ASS1: variants seen among roughly 807,000 people sequenced by gnomAD.
The protein encoded by ASS1 is argininosuccinate synthase.
ASS1 carries 58 observed loss-of-function variants against 60.5 expected under a neutral mutation model. That is an observed-to-expected ratio of 0.96 (90% CI 0.78 to 1.19). The LOEUF is 1.19. Among genes scored for constraint, ASS1 ranks in the 50% most tolerant of loss-of-function variants. The pLI is 0.00. For missense variants in ASS1, 454 were observed against 547.3 expected (o/e 0.83, Z 1.70); for synonymous variants, 200 against 206.9 (o/e 0.97, Z 0.29).
At chr9:130,482,813 C>T (rs984921958) in intron 11 of ASS1, among the ~76,000 whole-genome samples, 8 of 152,320 alleles carry the variant, frequency 5.3e-5, no homozygotes, top group African/African-American at 1.9e-4. Flanking sequence ...CTTCCTGGAG[C>T]CCAGCCTTCA....
At chr9:130,487,214 C>T (rs970388235) in intron 11 of ASS1, among the ~76,000 whole-genome samples, 5 of 152,152 alleles carry the variant, frequency 3.3e-5, no homozygotes, top group East Asian at 3.9e-4. Context: ...AGCTAACAGT[C>T]GGGAGAACAC....
chr9:130,493,590 C>A (rs1275368552), intron 12 of ASS1, among the ~76,000 whole-genome samples: 1 of 152,188 alleles, frequency 6.6e-6, no homozygotes, highest in African/African-American at 2.4e-5. Context: ...CCCCCAGGGG[C>A]CTGGGCCTCC....
intron 4 of ASS1, among the ~76,000 whole-genome samples, chr9:130,463,007 G>T (rs1188198564): frequency 6.6e-6 from 1 of 152,226 alleles, no homozygotes; most frequent in Non-Finnish European, 1.5e-5. Context: ...CATAGTAGGT[G>T]CTCACTAAAG....
At chr9:130,468,120 T>C (rs1420898949) in intron 6 of ASS1, among the ~76,000 whole-genome samples, 3 of 152,250 alleles carry the variant, frequency 2.0e-5, no homozygotes, top group African/African-American at 7.2e-5. Context: ...CTGAGCACGT[T>C]CTAGAAGGAG....
At chr9:130,455,044 T>TCATCCATCATC (rs1416063728) in intron 3 of ASS1, among the ~76,000 whole-genome samples, 54 of 133,390 alleles carry the variant, frequency 4.0e-4, no homozygotes, top group African/African-American at 1.4e-3. Context: ...ATCCATCCAT[T>TCATCCATCATC]CATCCATCAT....
rs1164274054 is a variant in ASS1, at chr9:130,449,805, C to A, written c.-5-2419C>A. Among the ~76,000 whole-genome samples, 55 of 152,056 alleles carry A rather than the reference C, an allele frequency of 3.6e-4. 1 individual carries two copies. Among genetic ancestry groups the A allele is most frequent in the Non-Finnish European group, 1.5e-5 (1 of 67,996 alleles). On this transcript the variant is annotated intron_variant, in intron 1 of 14. Coordinates refer to ENST00000352480, the MANE Select transcript of ASS1 (RefSeq NM_054012.4). ...TTGATTGTGGTGTTGATGTCACGGG[C>A]GCATCCGCACGCCGAAACTTGCTAA...
At chr9:130,495,838 G>A (rs1271564833) in intron 13 of ASS1, among the ~76,000 whole-genome samples, 1 of 152,124 alleles carries the variant, frequency 6.6e-6, no homozygotes, top group Non-Finnish European at 1.5e-5. Context: ...GGATGTGGAG[G>A]GAGATGGAGG....
At chr9:130,458,300 G>T in intron 3 of ASS1, 101 bp from the exon 4 acceptor site, 2 of 1,339,970 alleles carry the variant, frequency 1.5e-6, no homozygotes, top group Non-Finnish European at 1.1e-6. Context: ...CAGCGGGGGT[G>T]GCCCCGTATA....
chr9:130,448,422 G>GCACACACA (rs3085579), intron 1 of ASS1, among the ~76,000 whole-genome samples: 141 of 143,362 alleles, frequency 9.8e-4, no homozygotes, highest in East Asian at 2.3e-3. Context: ...GTGTGCGCGC[G>GCACACACA]CACACACACA....
In ASS1 at chr9:130,448,422, G is replaced by A. The variant is rs2313077; in HGVS notation, c.-6+3427G>A. 5.8e-3 allele frequency among the ~76,000 whole-genome samples: 826 copies of A among 143,384 alleles called. 7 individuals are homozygous for A. The highest frequency in any genetic ancestry group is 0.021 in the African/African-American group (774 of 36,452). 94.1% of individuals were successfully genotyped at this position (143,384 alleles called of 152,430 possible). Reference sequence around the variant, plus strand: ...TGGGTGCACACAGGTGTGTGCGCGCGCACACACACACACACACACACACTG... The same window carrying A: ...TGGGTGCACACAGGTGTGTGCGCGCACACACACACACACACACACACACTG... On this transcript the variant is annotated intron_variant, in intron 1 of 14. Coordinates refer to ENST00000352480, the MANE Select transcript of ASS1 (RefSeq NM_054012.4).
chr9:130,445,409 C>G (rs932996106), intron 1 of ASS1, among the ~76,000 whole-genome samples: 57 of 152,252 alleles, frequency 3.7e-4, no homozygotes, highest in African/African-American at 1.3e-3. Flanking sequence ...CTCTCTCCCT[C>G]TCTCGGACTC....
At chr9:130,487,693 T>C (rs896329621) in intron 11 of ASS1, among the ~76,000 whole-genome samples, 1 of 152,114 alleles carries the variant, frequency 6.6e-6, no homozygotes. Flanking sequence ...TTTTTGTGCC[T>C]GGCCTTTGTC....
chr9:130,499,633 A>G, intron 14 of ASS1, 63 bp downstream of exon 14: 1 of 1,511,114 alleles, frequency 6.6e-7, no homozygotes, highest in Non-Finnish European at 9.1e-7. Context: ...AGGCTTTGAG[A>G]GCCCCCAGGT....
At chr9:130,471,177 G>A (rs1845857757) in intron 7 of ASS1, among the ~76,000 whole-genome samples, 1 of 152,212 alleles carries the variant, frequency 6.6e-6, no homozygotes, top group African/African-American at 2.4e-5. Flanking sequence ...ATTCAAGGAT[G>A]GAGAAGAGGC....
At chr9:130,469,209 T>C (rs902839547) in intron 6 of ASS1, among the ~76,000 whole-genome samples, 4 of 152,224 alleles carry the variant, frequency 2.6e-5, no homozygotes, top group Non-Finnish European at 5.9e-5. Context: ...AGTCTTGCCT[T>C]GCACAGGGTC....
intron 1 of ASS1, chr9:130,450,462 AC>A: frequency 1.8e-6 from 1 of 551,916 alleles, no homozygotes; most frequent in Non-Finnish European, 2.3e-6. Context: ...TGGCTGAGTC[AC>A]CAGCAACTCA....
rs1846380782 is a variant in ASS1, at chr9:130,489,098, G to A, written c.839-235G>A. 6.6e-6 allele frequency among the ~76,000 whole-genome samples: 1 copy of A among 152,162 alleles called. No homozygotes were observed. The highest frequency in any genetic ancestry group is 1.5e-5 in the Non-Finnish European group (1 of 68,024). ...TCTAGCGTCTGAGGGCCCCTTCAAA[G>A]GGGGCATCTAGACATTTTCTCCACA... On this transcript the variant is annotated intron_variant, in intron 11 of 14. Transcript: ENST00000352480. This position sits in a 1 kb window ranked among gnomAD's most constrained non-coding sequence, Gnocchi z 4.1.
At chr9:130,456,883 A>C (rs2131872414) in intron 3 of ASS1, among the ~76,000 whole-genome samples, 1 of 151,656 alleles carries the variant, frequency 6.6e-6, no homozygotes, top group East Asian at 1.9e-4. Flanking sequence ...CCAAGATTGC[A>C]CCTCTGCACT....
intron 1 of ASS1, among the ~76,000 whole-genome samples, chr9:130,450,630 A>G (rs1588469795): frequency 1.3e-5 from 2 of 152,350 alleles, no homozygotes; most frequent in African/African-American, 4.8e-5. Flanking sequence ...GGGACCGTGC[A>G]GCATGCACGG....
Sources: allele counts gnomAD v4.1 joint callset (sites outside exome capture counted in the v4.1 genomes callset), GRCh38; gene constraint gnomAD v4.1.1; non-coding constraint Gnocchi (gnomAD v3.1); transcripts MANE v1.5; gene names NCBI Gene and HGNC (gene_info 2026-07-23, HGNC 2026-07-21).